PDGFD: variants seen among roughly 807,000 people sequenced by gnomAD.
The protein encoded by PDGFD is platelet derived growth factor D, also known as platelet-derived growth factor D.
Under a neutral mutation model 44.7 loss-of-function variants are expected in PDGFD, and 30 were observed. The observed-to-expected ratio is 0.67, with a 90% CI of 0.50 to 0.91. PDGFD has a LOEUF of 0.91. PDGFD is among the 40% of genes least tolerant of loss of function. The pLI, the probability that PDGFD is intolerant of heterozygous loss-of-function variation, is 0.00. For missense variants in PDGFD, 445 were observed against 457.8 expected (o/e 0.97, Z 0.25); for synonymous variants, 173 against 168.4 (o/e 1.03, Z -0.21).
chr11:104,119,971 C>A (rs1861747843), intron 1 of PDGFD, among the ~76,000 whole-genome samples: 1 of 136,702 alleles, frequency 7.3e-6, no homozygotes, highest in South Asian at 2.2e-4. Flanking sequence ...ATTTATATTA[C>A]ATAGTATCAT....
intron 5 of PDGFD, among the ~76,000 whole-genome samples, chr11:103,929,522 CTTTGACTAGCA>C: frequency 6.6e-6 from 1 of 152,306 alleles, no homozygotes; most frequent in South Asian, 2.1e-4. Flanking sequence ...TTGTATAACT[CTTTGACTAGCA>C]TTGGTTACTT....
rs1373178697 is a variant in PDGFD at position 103,907,196 on chromosome 11, C to T, written c.*2498G>A. 6.6e-6 allele frequency: 1 copy of T among 150,888 alleles called. No homozygotes were observed. The highest frequency in any genetic ancestry group is 1.5e-5 in the Non-Finnish European group (1 of 67,804). The allele number at this position is 150,888 out of a possible 1,614,324, so 9.3% of individuals were successfully genotyped here. On this transcript the variant is annotated 3_prime_UTR_variant, in exon 7 of 7. Transcript: ENST00000393158. ...TACTAAATAATGGAGTAGTTTTGTT[C>T]AAAAGCAATATTTATTTTTCATGAA...
rs959405027 is a variant in PDGFD at position 103,995,948 on chromosome 11, T to C, written c.510+117A>G. ...TTGACCATAAGGTAGGAACAAACCA[T>C]GTTATAAGGAACTAATAAAGTTCAC... On this transcript the variant is annotated intron_variant, in intron 3 of 6. Transcript: ENST00000393158. 3.5e-6 allele frequency: 3 copies of C among 861,276 alleles called. No homozygotes were observed. In the African/African-American group the frequency reaches 5.1e-5, roughly 15 times the overall value. The allele number at this position is 861,276 out of a possible 1,614,324, so 53.4% of individuals were successfully genotyped here. A position where few individuals can be genotyped will look rare whatever the true frequency, so the allele number is the denominator to read the frequency against.
chr11:103,967,348 G>C (rs1036654705), intron 3 of PDGFD, among the ~76,000 whole-genome samples: 10 of 152,082 alleles, frequency 6.6e-5, no homozygotes, highest in Admixed American at 6.6e-5. Flanking sequence ...AGTGTCCTTG[G>C]TTTGCAGCCC....
intron 1 of PDGFD, among the ~76,000 whole-genome samples, chr11:104,071,246 A>C (rs916613887): frequency 2.6e-5 from 4 of 151,988 alleles, no homozygotes; most frequent in Non-Finnish European, 4.4e-5. Context: ...GGTATGTCAT[A>C]ATAACTTTAA....
intron 6 of PDGFD, 48 bp from the exon 7 acceptor site, chr11:103,909,867 T>A (rs766774505): frequency 1.2e-6 from 2 of 1,611,368 alleles, no homozygotes; most frequent in Admixed American, 1.7e-5. Flanking sequence ...GGAGTTCAAC[T>A]CAGTCAGATG....
intron 1 of PDGFD, among the ~76,000 whole-genome samples, chr11:104,123,629 T>C (rs1398953689): frequency 1.3e-5 from 2 of 152,092 alleles, no homozygotes; most frequent in African/African-American, 4.8e-5. Context: ...GTGGCATTCT[T>C]TTGCCTTTAT....
chr11:104,062,067 C>G (rs11226139), intron 1 of PDGFD, among the ~76,000 whole-genome samples: 35,300 of 152,150 alleles, frequency 0.23, 5,041 homozygotes, highest in East Asian at 0.34. Context: ...GAGACACCAT[C>G]CCCTCTAGTC....
intron 1 of PDGFD, among the ~76,000 whole-genome samples, chr11:104,077,708 T>C (rs1469143463): frequency 6.7e-6 from 1 of 148,306 alleles, no homozygotes; most frequent in Non-Finnish European, 1.5e-5. Context: ...TGATCCTCCA[T>C]CCCAAAGCAT....
At chr11:103,968,151 C>T (rs1565298023) in intron 3 of PDGFD, among the ~76,000 whole-genome samples, 2 of 152,108 alleles carry the variant, frequency 1.3e-5, no homozygotes, top group Non-Finnish European at 2.9e-5. Flanking sequence ...TGGTGTTCTC[C>T]TTTTATCTCT....
At chr11:104,100,903 C>G (rs141932944) in intron 1 of PDGFD, among the ~76,000 whole-genome samples, 1 of 152,156 alleles carries the variant, frequency 6.6e-6, no homozygotes, top group East Asian at 1.9e-4. Flanking sequence ...ATTTTACAAC[C>G]CTTCATGCTA....
At chr11:104,140,840 T>C (rs1010921500) in intron 1 of PDGFD, among the ~76,000 whole-genome samples, 2 of 152,242 alleles carry the variant, frequency 1.3e-5, no homozygotes, top group African/African-American at 2.4e-5. Context: ...AGCCAGTCAA[T>C]TGTTTATCAA....
chr11:104,045,142 C>T lies in PDGFD; in HGVS notation c.125-44887G>A, dbSNP rs572591360. ...CTGGTCACCATACTAGTGTTAGAAG[C>T]GGATTTTTAATTTTGTGCTCATGAG... On this transcript the variant is annotated intron_variant, in intron 1 of 6. Transcript: ENST00000393158. 7.2e-5 allele frequency among the ~76,000 whole-genome samples: 11 copies of T among 152,162 alleles called. No individual in the cohort carries two copies. In the East Asian group the frequency reaches 1.2e-3, roughly 16 times the overall value.
intron 1 of PDGFD, among the ~76,000 whole-genome samples, chr11:104,002,118 T>C (rs1214107652): frequency 1.3e-5 from 2 of 152,126 alleles, no homozygotes; most frequent in African/African-American, 2.4e-5. Flanking sequence ...AGCAGACAAC[T>C]TCCTAGGAGA....
intron 1 of PDGFD, among the ~76,000 whole-genome samples, chr11:104,054,442 T>C (rs993151899): frequency 2.0e-5 from 3 of 151,936 alleles, no homozygotes; most frequent in African/African-American, 7.3e-5. Context: ...AATAAGAAAA[T>C]AGGCAAAATA....
At chr11:104,121,397 A>C (rs954040625) in intron 1 of PDGFD, among the ~76,000 whole-genome samples, 2 of 152,048 alleles carry the variant, frequency 1.3e-5, no homozygotes, top group Non-Finnish European at 2.9e-5. Context: ...TCGTTTATCC[A>C]GAATTACAGA....
chr11:103,978,125 T>C (rs1027678477), intron 3 of PDGFD, among the ~76,000 whole-genome samples: 6 of 152,082 alleles, frequency 3.9e-5, no homozygotes, highest in Non-Finnish European at 7.4e-5. Flanking sequence ...AGTAGTGTCG[T>C]TGTTGGTTTC....
At chr11:103,975,995 T>C (rs1469297805) in intron 3 of PDGFD, among the ~76,000 whole-genome samples, 1 of 152,184 alleles carries the variant, frequency 6.6e-6, no homozygotes, top group African/African-American at 2.4e-5. Flanking sequence ...TTTGGTTCCA[T>C]ATGAAATTTA....
intron 1 of PDGFD, among the ~76,000 whole-genome samples, chr11:104,109,593 C>T (rs1044371033): frequency 2.6e-5 from 4 of 151,992 alleles, no homozygotes; most frequent in Admixed American, 1.3e-4. Context: ...AAAGAATATA[C>T]AAGAATATTT....
Sources: allele counts gnomAD v4.1 joint callset (sites outside exome capture counted in the v4.1 genomes callset), GRCh38; gene constraint gnomAD v4.1.1; transcripts MANE v1.5; gene names NCBI Gene and HGNC (gene_info 2026-07-23, HGNC 2026-07-21).